Variants in SLC24A2 observed in about 807,000 individuals in gnomAD.
SLC24A2 encodes sodium/potassium/calcium exchanger 2.
A neutral mutation model predicts 62.0 loss-of-function variants in SLC24A2; 36 were observed. That is an observed-to-expected ratio of 0.58 (90% confidence interval 0.44 to 0.77). The LOEUF is 0.77. Ranked by LOEUF, SLC24A2 falls within the 30% of genes least tolerant of loss-of-function variation. SLC24A2 has a pLI of 0.00. For missense variants in SLC24A2, 846 were observed against 817.9 expected (o/e 1.03, Z -0.42); for synonymous variants, 358 against 294.0 (o/e 1.22, Z -2.23).
intron 2 of SLC24A2, among the ~76,000 whole-genome samples, chr9:19,763,518 A>T (rs1386104820): frequency 6.6e-6 from 1 of 151,922 alleles, no homozygotes; most frequent in Non-Finnish European, 1.5e-5. Flanking sequence ...GGAGTGAAGC[A>T]TGAAGGGGTG....
chr9:20,248,899 G>C, the SLC24A2 span, among the ~76,000 whole-genome samples: 1,547 of 152,272 alleles, frequency 0.01, 21 homozygotes, highest in African/African-American at 0.034. Flanking sequence ...GTTTCCTCCA[G>C]AGATATATTC....
At chr9:19,972,451 C>T in the SLC24A2 span, among the ~76,000 whole-genome samples, 1 of 152,110 alleles carries the variant, frequency 6.6e-6, no homozygotes, top group African/African-American at 2.4e-5. Context: ...TTTTCACATA[C>T]ATTATGCATT....
the SLC24A2 span, among the ~76,000 whole-genome samples, chr9:20,296,298 C>A: frequency 6.6e-6 from 1 of 152,210 alleles, no homozygotes; most frequent in African/African-American, 2.4e-5. Context: ...CCAAATTATT[C>A]TATTGTATAC....
chr9:19,559,570 G>C (rs1251332119), intron 7 of SLC24A2, among the ~76,000 whole-genome samples: 1 of 152,108 alleles, frequency 6.6e-6, no homozygotes, highest in Non-Finnish European at 1.5e-5. Flanking sequence ...GGTAGAGTTG[G>C]AACTCTTGAA....
chr9:19,829,158 G>A, the SLC24A2 span, among the ~76,000 whole-genome samples: 13 of 152,172 alleles, frequency 8.5e-5, no homozygotes, highest in East Asian at 1.2e-3. Flanking sequence ...TGAAACTCAC[G>A]GGGTATGAGG....
the SLC24A2 span, among the ~76,000 whole-genome samples, chr9:20,093,099 T>C: frequency 4.0e-5 from 6 of 151,862 alleles, no homozygotes; most frequent in Non-Finnish European, 4.4e-5. Context: ...TAGACCGAGT[T>C]TCGATCTCGT....
intron 5 of SLC24A2, among the ~76,000 whole-genome samples, chr9:19,592,772 T>G (rs938870234): frequency 5.3e-5 from 8 of 152,184 alleles, no homozygotes; most frequent in African/African-American, 1.9e-4. Flanking sequence ...AAGAATGGTA[T>G]GAAATTTGGG....
At chr9:20,040,487 G>T in the SLC24A2 span, among the ~76,000 whole-genome samples, 1 of 152,154 alleles carries the variant, frequency 6.6e-6, no homozygotes, top group Non-Finnish European at 1.5e-5. Context: ...GATACCAGAG[G>T]GTCTTGCTGG....
chr9:20,101,685 A>G, the SLC24A2 span, among the ~76,000 whole-genome samples: 273 of 152,310 alleles, frequency 1.8e-3, 2 homozygotes, highest in African/African-American at 6.3e-3. Flanking sequence ...CCTTTGGGAA[A>G]GTAAGGACAT....
the SLC24A2 span, among the ~76,000 whole-genome samples, chr9:19,890,013 T>C: frequency 5.8e-5 from 8 of 137,398 alleles, no homozygotes; most frequent in South Asian, 1.3e-3. Context: ...ACACAGTTCA[T>C]ATCTTCACTT....
chr9:19,664,769 G>A (rs1819200855), intron 2 of SLC24A2, among the ~76,000 whole-genome samples: 2 of 152,162 alleles, frequency 1.3e-5, no homozygotes, highest in Non-Finnish European at 2.9e-5. Flanking sequence ...GATAGAGGCA[G>A]AGACTGGGGG....
At chr9:19,758,643 T>C (rs533762106) in intron 2 of SLC24A2, among the ~76,000 whole-genome samples, 11 of 151,784 alleles carry the variant, frequency 7.2e-5, no homozygotes, top group Non-Finnish European at 1.2e-4. Context: ...ACCATAGGAG[T>C]AGTGTATATT....
At chr9:19,684,149 A>G (rs1408316784) in intron 2 of SLC24A2, among the ~76,000 whole-genome samples, 1 of 152,068 alleles carries the variant, frequency 6.6e-6, no homozygotes, top group Non-Finnish European at 1.5e-5. Flanking sequence ...TGCAGGGCCA[A>G]TAAGCTCCAA....
chr9:19,691,947 A>G (rs1261425715), intron 2 of SLC24A2, among the ~76,000 whole-genome samples: 1 of 152,090 alleles, frequency 6.6e-6, no homozygotes, highest in Non-Finnish European at 1.5e-5. Flanking sequence ...TTATACTACA[A>G]GGGAAGATTG....
chr9:19,578,803 T>A (rs541428950), intron 5 of SLC24A2, among the ~76,000 whole-genome samples: 3 of 152,232 alleles, frequency 2.0e-5, no homozygotes, highest in East Asian at 3.9e-4. Context: ...ACCAATGGAC[T>A]CCAATGGTGA....
intron 2 of SLC24A2, among the ~76,000 whole-genome samples, chr9:19,777,022 T>G (rs1449704436): frequency 6.6e-6 from 1 of 152,168 alleles, no homozygotes; most frequent in Non-Finnish European, 1.5e-5. Flanking sequence ...GGACTCCTCT[T>G]CAGAATAATT....
intron 2 of SLC24A2, among the ~76,000 whole-genome samples, chr9:19,775,957 G>A (rs1822832935): frequency 6.6e-6 from 1 of 152,168 alleles, no homozygotes; most frequent in South Asian, 2.1e-4. Context: ...CCCTTTGGTG[G>A]TCCATGAAAT....
At chr9:19,663,886 C>G (rs1405082800) in intron 2 of SLC24A2, among the ~76,000 whole-genome samples, 1 of 152,224 alleles carries the variant, frequency 6.6e-6, no homozygotes, top group Non-Finnish European at 1.5e-5. Context: ...GGGTGCAGAT[C>G]TGAATTTGCA....
chr9:20,157,570 A>G, the SLC24A2 span, among the ~76,000 whole-genome samples: 16 of 151,742 alleles, frequency 1.1e-4, no homozygotes, highest in Admixed American at 1.1e-3. Flanking sequence ...TAGGAAAGGG[A>G]CTTTAAAGTG....
Sources: gnomAD v4.1 joint callset for allele counts (sites outside exome capture counted in the v4.1 genomes callset) on GRCh38, gnomAD v4.1.1 for gene constraint, MANE v1.5 for transcripts, NCBI Gene and HGNC (gene_info 2026-07-23, HGNC 2026-07-21) for gene names.